Variants in MBOAT7 observed in about 807,000 individuals in gnomAD.
MBOAT7 encodes the protein membrane bound acylglycerophosphatidylinositol O-acyltransferase MBOAT7.
MBOAT7 carries 40 observed loss-of-function variants against 47.4 expected under a neutral mutation model. The observed-to-expected ratio is 0.84, with a 90% confidence interval of 0.66 to 1.10. The LOEUF is 1.10. MBOAT7 is among the 50% of genes least tolerant of loss of function. The pLI, the probability that MBOAT7 is intolerant of heterozygous loss-of-function variation, is 0.00. For missense variants in MBOAT7, 680 were observed against 655.6 expected, an observed-to-expected ratio of 1.04 and a Z score of -0.41; for synonymous variants, 361 against 292.0, an observed-to-expected ratio of 1.24 and a Z score of -2.41.
intron 7 of MBOAT7, among the ~76,000 whole-genome samples, chr19:54,177,332 G>T (rs898304232): frequency 1.3e-5 from 2 of 151,962 alleles, no homozygotes; most frequent in Non-Finnish European, 2.9e-5. Context: ...GTCTCGCTCT[G>T]TTGCCCAGGC....
In MBOAT7 at chr19:54,180,896, C is replaced by G. The variant is rs199544070; in HGVS notation, c.731G>C (p.Arg244Pro). The change falls in exon 6 of 8, where the codon CGC (arginine) becomes CCC (proline). Residue 244 changes from arginine to proline, a missense_variant. Arg to Pro is a moderately radical substitution (Grantham distance 103, BLOSUM62 -2). Transcript: ENST00000245615. The surrounding 1 kb of genome is among the most constrained non-coding windows in gnomAD (Gnocchi z 5.2). ...GGCGGCAATCCAGGCCACGTAGAAG[C>G]GCATGCGGAAGGCGAAGAAGACGGG... ...MIPVFFAFRM[R>P]FYVAWIAAEC... The G allele has an allele frequency of 6.3e-7, 1 of 1,596,812 alleles. No individual in the cohort carries two copies. Among genetic ancestry groups the G allele is most frequent in the Admixed American group, 1.8e-5 (1 of 56,146 alleles).
At chr19:54,177,524 T>C (rs561682180) in intron 7 of MBOAT7, among the ~76,000 whole-genome samples, 23 of 152,212 alleles carry the variant, frequency 1.5e-4, no homozygotes, top group African/African-American at 5.3e-4. Flanking sequence ...CTTGATCTCC[T>C]GACCTTGTGA....
intron 4 of MBOAT7, among the ~76,000 whole-genome samples, chr19:54,184,831 G>C (rs569432108): frequency 6.6e-6 from 1 of 151,306 alleles, no homozygotes; most frequent in Non-Finnish European, 1.5e-5. Flanking sequence ...TTGAACCTGG[G>C]AGGCGGAGGT....
rs545959971 is a variant in MBOAT7 at position 54,174,312 on chromosome 19, C to T, written c.1151G>A (p.Arg384Gln). 6.0e-5 allele frequency: 97 copies of T among 1,613,384 alleles called. 1 individual carries two copies. Among genetic ancestry groups the T allele is most frequent in the South Asian group, 4.6e-4 (42 of 90,996 alleles). ...CTGGCCCCCTGGGCTCAGCCGCCCCCGCAGGGCTGACTCCAGCCGGCCCTC... is the reference window on the plus strand; with the variant it reads ...CTGGCCCCCTGGGCTCAGCCGCCCCTGCAGGGCTGACTCCAGCCGGCCCTC... Reference protein sequence around the residue: ...AAEGRLESALRGRLSPGGQKA... With the variant: ...AAEGRLESALQGRLSPGGQKA... The change falls in exon 8 of 8, where the codon CGG (arginine) becomes CAG (glutamine). Residue 384 changes from arginine to glutamine, a missense_variant. Physicochemically the swap from Arg to Gln is conservative, Grantham distance 43. Transcript: ENST00000245615.
Position 54,188,486 on chromosome 19 carries a change from T to G in MBOAT7, c.23A>C (p.Tyr8Ser), listed in dbSNP as rs2076523864. The change falls in exon 2 of 8, where the codon TAT (tyrosine) becomes TCT (serine). Residue 8 changes from tyrosine to serine, a missense_variant. Coordinates refer to ENST00000245615, the MANE Select transcript of MBOAT7 (RefSeq NM_024298.5). Reference protein sequence around the residue: MSPEEWTYLVVLLISIPI... With the variant: MSPEEWTSLVVLLISIPI... ...GATGGAGATAAGAAGAACCACTAGA[T>G]ACGTCCATTCTTCAGGCGACATGGT... 6.4e-7 allele frequency: 1 copy of G among 1,553,880 alleles called. No individual in the cohort carries two copies. The highest frequency in any genetic ancestry group is 8.7e-7 in the Non-Finnish European group (1 of 1,148,004).
chr19:54,177,708 C>T (rs958397167), intron 7 of MBOAT7, among the ~76,000 whole-genome samples: 8 of 151,952 alleles, frequency 5.3e-5, no homozygotes, highest in Non-Finnish European at 7.4e-5. Context: ...TCCCTAGTAG[C>T]TGGGATTATA....
At chr19:54,187,059 G>T in intron 4 of MBOAT7, 102 bp downstream of exon 4, 1 of 1,371,420 alleles carries the variant, frequency 7.3e-7, no homozygotes, top group Non-Finnish European at 9.8e-7. Flanking sequence ...CCCAGGGTGT[G>T]TTGGAGGTAA....
chr19:54,179,859 C>A, intron 6 of MBOAT7: 1 of 152,178 alleles, frequency 6.6e-6, no homozygotes, highest in Non-Finnish European at 1.5e-5. Context: ...AGGCTGTTCC[C>A]CCAGCCGCAG....
chr19:54,183,054 C>A (rs879846376), intron 5 of MBOAT7, among the ~76,000 whole-genome samples: 1 of 152,054 alleles, frequency 6.6e-6, no homozygotes, highest in Non-Finnish European at 1.5e-5. Flanking sequence ...AATAAAGGGA[C>A]GGGATCTTGC....
rs1359975122 is a variant in MBOAT7, at chr19:54,183,506, G to A, written c.493+15C>T. The A allele has an allele frequency of 3.7e-6, 6 of 1,604,836 alleles. No individual in the cohort carries two copies. Among genetic ancestry groups the A allele is most frequent in the Non-Finnish European group, 5.1e-6 (6 of 1,176,036 alleles). On this transcript the variant is annotated intron_variant, in intron 5 of 7. Transcript: ENST00000245615. Reference sequence around the variant, plus strand: ...GGAGACAGAGCGGCAGAGTTGTTAGGGCAGCCCCACTCACCTGTCATGATT... The same window carrying A: ...GGAGACAGAGCGGCAGAGTTGTTAGAGCAGCCCCACTCACCTGTCATGATT...
At chr19:54,184,157 CT>C (rs2076364189) in intron 4 of MBOAT7, among the ~76,000 whole-genome samples, 1 of 137,346 alleles carries the variant, frequency 7.3e-6, no homozygotes, top group South Asian at 2.4e-4. Flanking sequence ...TTTAATCTCT[CT>C]CTCTTTTTTT....
chr19:54,175,187 C>G (rs372019727), intron 7 of MBOAT7, among the ~76,000 whole-genome samples: 2 of 152,100 alleles, frequency 1.3e-5, no homozygotes, highest in Non-Finnish European at 2.9e-5. Flanking sequence ...ACCGTGTTAG[C>G]CAGGATGGTC....
rs1568771265 is a variant in MBOAT7, at chr19:54,174,334, C to T, written c.1129G>A (p.Gly377Ser). The T allele has an allele frequency of 1.2e-6, 2 of 1,613,008 alleles. No homozygotes were observed. The highest frequency in any genetic ancestry group is 1.7e-6 in the Non-Finnish European group (2 of 1,179,568). Residue 377 changes from glycine (G) to serine (S), a missense_variant, in exon 8 of 8, where the codon GGC becomes AGC. Coordinates refer to ENST00000245615, the MANE Select transcript of MBOAT7 (RefSeq NM_024298.5). ...LTIPLCLAAE[G>S]RLESALRGRL... ...CCCCGCAGGGCTGACTCCAGCCGGC[C>T]CTCGGCAGCCAGGCACAGCGGGATG... is the stretch of plus-strand genomic sequence containing the variant.
intron 7 of MBOAT7, among the ~76,000 whole-genome samples, chr19:54,175,724 A>ATTT (rs778650514): frequency 1.9e-4 from 29 of 151,874 alleles, no homozygotes; most frequent in Non-Finnish European, 3.8e-4. Flanking sequence ...TAATTTCTGT[A>ATTT]TTTTTTGTTG....
intron 3 of MBOAT7, among the ~76,000 whole-genome samples, 184 bp downstream of exon 3, chr19:54,188,032 AG>A (rs2076489824): frequency 8.8e-6 from 1 of 113,864 alleles, no homozygotes; most frequent in East Asian, 2.6e-4. Context: ...AAAGAAAGAA[AG>A]AAAGAAAGAA....
At chr19:54,183,436 C>A in intron 5 of MBOAT7, 85 bp downstream of exon 5, 1 of 1,498,104 alleles carries the variant, frequency 6.7e-7, no homozygotes. Flanking sequence ...TTGCCCTGGG[C>A]AGGGCGGGAA....
chr19:54,188,469 T>G lies in MBOAT7; in HGVS notation c.40A>C (p.Ile14Leu). ...AAGAGGAAGCCGATGGGGATGGAGA[T>G]AAGAAGAACCACTAGATACGTCCAT... ...EEWTYLVVLL[I>L]SIPIGFLFKK... Residue 14 changes from isoleucine (I) to leucine (L), a missense_variant, in exon 2 of 8, where the codon ATC becomes CTC. By Grantham distance (5) the Ile-to-Leu change is conservative. Transcript: ENST00000245615. 6.4e-7 allele frequency: 1 copy of G among 1,556,048 alleles called. No individual in the cohort carries two copies. Among genetic ancestry groups the G allele is most frequent in the Non-Finnish European group, 8.7e-7 (1 of 1,149,022 alleles).
At chr19:54,175,420 A>G (rs956069470) in intron 7 of MBOAT7, among the ~76,000 whole-genome samples, 5 of 152,214 alleles carry the variant, frequency 3.3e-5, no homozygotes, top group African/African-American at 1.2e-4. Context: ...CAAGTTAACA[A>G]GTCCTCCAGT....
intron 5 of MBOAT7, among the ~76,000 whole-genome samples, chr19:54,183,203 C>G (rs2076335345): frequency 6.6e-6 from 1 of 152,128 alleles, no homozygotes; most frequent in Non-Finnish European, 1.5e-5. Context: ...GACCCTAAGC[C>G]GTGAATATTT....
Sources: gnomAD v4.1 joint callset for allele counts (sites outside exome capture counted in the v4.1 genomes callset) on GRCh38, gnomAD v4.1.1 for gene constraint, Gnocchi (gnomAD v3.1) non-coding constraint, MANE v1.5 for transcripts, NCBI Gene and HGNC (gene_info 2026-07-23, HGNC 2026-07-21) for gene names.